The following C16orf74 variants were observed in gnomAD, a reference collection of about 807,000 sequenced individuals.
C16orf74 encodes the protein uncharacterized protein C16orf74.
Under a neutral mutation model 6.5 loss-of-function variants are expected in C16orf74, and 10 were observed. That is an observed-to-expected ratio of 1.54 (90% CI 0.95 to 2.61). The LOEUF (loss-of-function observed/expected upper bound fraction) is 2.61, where lower values mean the gene tolerates loss of function less well. Among genes scored for constraint, C16orf74 ranks in the 30% most tolerant of loss-of-function variants. C16orf74 has a pLI of 0.00. For missense variants in C16orf74, 141 were observed against 105.9 expected, an observed-to-expected ratio of 1.33 and a Z score of -1.45; for synonymous variants, 60 against 42.5, an observed-to-expected ratio of 1.41 and a Z score of -1.60.
At chr16:85,731,898 C>T (rs2054192701) in intron 2 of C16orf74, among the ~76,000 whole-genome samples, 1 of 152,020 alleles carries the variant, frequency 6.6e-6, no homozygotes, top group African/African-American at 2.4e-5. Flanking sequence ...GCAATGTTGC[C>T]CAGACTGGTC....
chr16:85,726,128 C>G (rs138363431), intron 2 of C16orf74, among the ~76,000 whole-genome samples: 1 of 152,292 alleles, frequency 6.6e-6, no homozygotes, highest in African/African-American at 2.4e-5. Flanking sequence ...AACCCCTCAC[C>G]TTGCCTCATC....
intron 1 of C16orf74, among the ~76,000 whole-genome samples, chr16:85,744,733 G>C (rs750981903): frequency 2.6e-5 from 4 of 151,290 alleles, no homozygotes; most frequent in Non-Finnish European, 5.9e-5. Flanking sequence ...GGGAGGCTGA[G>C]GCAGGAGAAT....
intron 2 of C16orf74, among the ~76,000 whole-genome samples, chr16:85,713,172 T>C (rs1032315029): frequency 3.9e-5 from 6 of 152,196 alleles, no homozygotes; most frequent in African/African-American, 1.4e-4. Flanking sequence ...CTTCTGGTGG[T>C]TGCTGACAAT....
chr16:85,719,975 CG>C (rs1339807050), intron 2 of C16orf74, among the ~76,000 whole-genome samples: 2 of 152,010 alleles, frequency 1.3e-5, no homozygotes, highest in African/African-American at 4.8e-5. Context: ...CAGAGATGAC[CG>C]GGTGTCTGGA....
At chr16:85,711,086 GGCA>G (rs2053964763) in intron 2 of C16orf74, among the ~76,000 whole-genome samples, 1 of 152,078 alleles carries the variant, frequency 6.6e-6, no homozygotes, top group Non-Finnish European at 1.5e-5. Flanking sequence ...GGCCAAGGCG[GGCA>G]GATCACTTGA....
chr16:85,732,529 G>C (rs2054200506), intron 2 of C16orf74, among the ~76,000 whole-genome samples: 1 of 151,960 alleles, frequency 6.6e-6, no homozygotes, highest in African/African-American at 2.4e-5. Context: ...AGCTGGGCGT[G>C]GTGGCACACG....
At chr16:85,727,931 T>C (rs897340929) in intron 2 of C16orf74, among the ~76,000 whole-genome samples, 7 of 124,414 alleles carry the variant, frequency 5.6e-5, no homozygotes, top group Non-Finnish European at 3.1e-5. Flanking sequence ...ACTTTAAGAC[T>C]AGCCCGAGCA....
chr16:85,748,128 G>GTA (rs1464041464), intron 1 of C16orf74, among the ~76,000 whole-genome samples: 6 of 60,806 alleles, frequency 9.9e-5, no homozygotes, highest in Non-Finnish European at 2.1e-4. Flanking sequence ...ATGTGTGTGT[G>GTA]TATATATATA....
intron 2 of C16orf74, among the ~76,000 whole-genome samples, chr16:85,734,835 G>A (rs998512939): frequency 2.0e-5 from 3 of 152,138 alleles, no homozygotes; most frequent in Admixed American, 1.3e-4. Flanking sequence ...GTGATAACAG[G>A]CCCCGGGTGT....
At chr16:85,722,242 T>C (rs981513415) in intron 2 of C16orf74, among the ~76,000 whole-genome samples, 1 of 152,072 alleles carries the variant, frequency 6.6e-6, no homozygotes, top group African/African-American at 2.4e-5. Context: ...AAGAGGAAGG[T>C]GTCGAATGGC....
intron 1 of C16orf74, among the ~76,000 whole-genome samples, chr16:85,740,431 G>T (rs1226280087): frequency 6.6e-6 from 1 of 151,274 alleles, no homozygotes; most frequent in African/African-American, 2.4e-5. Context: ...GGCCGGGCGC[G>T]GTGGCTCACG....
intron 2 of C16orf74, among the ~76,000 whole-genome samples, chr16:85,716,923 C>T (rs959420039): frequency 2.0e-5 from 3 of 152,200 alleles, no homozygotes; most frequent in East Asian, 1.9e-4. Flanking sequence ...TAATTATGTG[C>T]CTGCCTCGGG....
intron 2 of C16orf74, 108 bp downstream of exon 2, chr16:85,735,082 C>A (rs2054229252): frequency 6.6e-6 from 6 of 909,206 alleles, no homozygotes; most frequent in Non-Finnish European, 9.9e-6. Flanking sequence ...AGGGATGGTG[C>A]CCTGCTCCCT....
intron 2 of C16orf74, among the ~76,000 whole-genome samples, chr16:85,734,299 C>T (rs1410455553): frequency 6.6e-6 from 1 of 152,206 alleles, no homozygotes; most frequent in Non-Finnish European, 1.5e-5. Context: ...CCCCATTTTA[C>T]TGATAAGGAA....
At chr16:85,733,484 C>T (rs572326471) in intron 2 of C16orf74, among the ~76,000 whole-genome samples, 8 of 152,278 alleles carry the variant, frequency 5.3e-5, no homozygotes, top group African/African-American at 1.9e-4. Context: ...GTGATGGTTG[C>T]ACAACACTGT....
At chr16:85,745,989 T>A (rs1043521952) in intron 1 of C16orf74, among the ~76,000 whole-genome samples, 1 of 152,126 alleles carries the variant, frequency 6.6e-6, no homozygotes, top group Non-Finnish European at 1.5e-5. Context: ...CCAGGTAAAA[T>A]ACAGGATGCC....
At chr16:85,750,038 T>A (rs769240765) in intron 1 of C16orf74, among the ~76,000 whole-genome samples, 5 of 152,142 alleles carry the variant, frequency 3.3e-5, no homozygotes, top group Non-Finnish European at 7.4e-5. Flanking sequence ...CCCACAGCGT[T>A]GGATGGGTGG....
At chr16:85,736,382 G>A (rs76586042) in intron 1 of C16orf74, among the ~76,000 whole-genome samples, 1,554 of 152,244 alleles carry the variant, frequency 0.01, 29 homozygotes, top group African/African-American at 0.034. Context: ...CCACCCAGGC[G>A]CACAAGGCCC....
chr16:85,725,066 G>C (rs564844930), intron 2 of C16orf74, among the ~76,000 whole-genome samples: 2 of 63,142 alleles, frequency 3.2e-5, no homozygotes, highest in African/African-American at 6.2e-5. Context: ...GGTGACTGAT[G>C]GGGGGGGGAC....
Sources: allele counts gnomAD v4.1 joint callset (sites outside exome capture counted in the v4.1 genomes callset), GRCh38; gene constraint gnomAD v4.1.1; transcripts MANE v1.5; gene names NCBI Gene and HGNC (gene_info 2026-07-23, HGNC 2026-07-21).